Variants in CCDC62 observed in about 807,000 individuals in gnomAD.
The protein encoded by CCDC62 is coiled-coil domain-containing protein 62.
A neutral mutation model predicts 80.8 loss-of-function variants in CCDC62; 72 were observed. The ratio of observed to expected loss-of-function variants is 0.89; its 90% confidence interval spans 0.74 to 1.08. CCDC62 has a LOEUF of 1.08. CCDC62 is among the 50% of genes least tolerant of loss of function. The pLI is 0.00. For synonymous variants in CCDC62, 286 were observed against 296.5 expected, an observed-to-expected ratio of 0.96 and a Z score of 0.36; for missense variants, 704 against 809.4, an observed-to-expected ratio of 0.87 and a Z score of 1.58.
In CCDC62 at chr12:122,801,556, G is replaced by A; in HGVS notation, c.1410G>A (p.Leu470=). The change falls in exon 9 of 13, where the codon CTG becomes CTA. Residue 470 remains leucine, a synonymous_variant. Coordinates refer to ENST00000253079, the MANE Select transcript of CCDC62 (RefSeq NM_201435.5). ...QWHDVSVYLG[L]TNCPSSKHPE... ...ATGATGTCAGTGTTTACCTGGGCCT[G>A]ACCAACTGTCCAAGTTCAAAACATC... 1 of 1,614,118 alleles carries A rather than the reference G, an allele frequency of 6.2e-7. No homozygotes were observed. The highest frequency in any genetic ancestry group is 1.1e-5 in the South Asian group (1 of 91,070).
At chr12:122,792,210 TTTTTTTTTTTTGAGACAGGGTC>T in intron 6 of CCDC62, 89 bp downstream of exon 6, 3 of 796,694 alleles carry the variant, frequency 3.8e-6, no homozygotes, top group Non-Finnish European at 6.2e-6. Flanking sequence ...TGGTTTTTTT[TTTTTTTTTTTTGAGACAGGGTC>T]TTTTTTGAGA....
Position 122,811,125 on chromosome 12 carries a change from A to T in CCDC62, c.1852-2145A>T, listed in dbSNP as rs1042422027. 2.2e-4 allele frequency among the ~76,000 whole-genome samples: 34 copies of T among 152,242 alleles called. 1 individual carries two copies. Among genetic ancestry groups the T allele is most frequent in the African/African-American group, 8.2e-4 (34 of 41,540 alleles). ...CATGGCACATGTATACATATGTAAC[A>T]AACCTGCACGTTATGCACATGTACC... On this transcript the variant is annotated intron_variant, in intron 10 of 12. Coordinates refer to ENST00000253079, the MANE Select transcript of CCDC62 (RefSeq NM_201435.5).
chr12:122,811,129 C>G (rs2031853924), intron 10 of CCDC62, among the ~76,000 whole-genome samples: 1 of 151,656 alleles, frequency 6.6e-6, no homozygotes, highest in Non-Finnish European at 1.5e-5. Context: ...TGTAACAAAC[C>G]TGCACGTTAT....
intron 1 of CCDC62, 21 bp downstream of exon 1, chr12:122,774,727 CGGCGGGG>C: frequency 8.0e-7 from 1 of 1,248,534 alleles, no homozygotes. Context: ...GTTCCGGGCG[CGGCGGGG>C]CGCCGCGGGA....
chr12:122,799,306 ATCCATCCATCCG>A (rs1008069946), intron 8 of CCDC62, among the ~76,000 whole-genome samples: 38 of 152,204 alleles, frequency 2.5e-4, no homozygotes, highest in Admixed American at 1.3e-3. Context: ...TCATCCATCC[ATCCATCCATCCG>A]TCCATCCATC....
intron 5 of CCDC62, 151 bp downstream of exon 5, chr12:122,789,080 G>T: frequency 3.3e-6 from 2 of 601,586 alleles, no homozygotes. Flanking sequence ...ATAGGATTAT[G>T]CTGCAATTTG....
chr12:122,797,254 G>C, intron 6 of CCDC62, 53 bp from the exon 7 acceptor site: 1 of 853,082 alleles, frequency 1.2e-6, no homozygotes, highest in East Asian at 2.5e-5. Flanking sequence ...AAATGGAGAG[G>C]TTTGTGTGGC....
At chr12:122,781,694 A>AG (rs1879880278) in intron 3 of CCDC62, among the ~76,000 whole-genome samples, 1 of 151,974 alleles carries the variant, frequency 6.6e-6, no homozygotes, top group Non-Finnish European at 1.5e-5. Flanking sequence ...TCAAAAAAAA[A>AG]AAGAAAAAAG....
chr12:122,820,206 A>G (rs1335312626), intron 11 of CCDC62, among the ~76,000 whole-genome samples: 1 of 152,184 alleles, frequency 6.6e-6, no homozygotes, highest in Non-Finnish European at 1.5e-5. Flanking sequence ...GGGACTTCTC[A>G]GTTTATACCT....
At chr12:122,820,005 T>C (rs1013192927) in intron 11 of CCDC62, among the ~76,000 whole-genome samples, 16 of 130,030 alleles carry the variant, frequency 1.2e-4, no homozygotes, top group African/African-American at 3.9e-4. Context: ...GAGGCTGCAG[T>C]GAGCTGTGAT....
chr12:122,820,375 G>A (rs79255256), intron 11 of CCDC62, among the ~76,000 whole-genome samples: 2,577 of 152,220 alleles, frequency 0.017, 37 homozygotes, highest in Non-Finnish European at 0.027. Flanking sequence ...GGTGAGGAGC[G>A]GACCCTACCA....
At chr12:122,789,848 A>G (rs1003142140) in intron 5 of CCDC62, among the ~76,000 whole-genome samples, 6 of 152,190 alleles carry the variant, frequency 3.9e-5, no homozygotes, top group Admixed American at 3.3e-4. Context: ...AGCTAAAACC[A>G]TAATCGTATT....
chr12:122,784,999 C>T (rs939515208), intron 3 of CCDC62, among the ~76,000 whole-genome samples: 1 of 151,912 alleles, frequency 6.6e-6, no homozygotes, highest in Non-Finnish European at 1.5e-5. Context: ...ATTAGCCAGG[C>T]GTAGTGTTGT....
At chr12:122,821,708 A>G (rs1408654199) in intron 11 of CCDC62, among the ~76,000 whole-genome samples, 1 of 151,946 alleles carries the variant, frequency 6.6e-6, no homozygotes, top group African/African-American at 2.4e-5. Flanking sequence ...CAGCCTCCCA[A>G]AGTGCTGGGA....
intron 12 of CCDC62, among the ~76,000 whole-genome samples, chr12:122,825,278 C>G (rs1434972384): frequency 2.7e-5 from 4 of 150,554 alleles, no homozygotes; most frequent in Non-Finnish European, 5.9e-5. Flanking sequence ...CAGGTTCAAG[C>G]GATTCTCCTG....
rs191553674 is a variant in CCDC62 at position 122,787,760 on chromosome 12, A to C, written c.499-998A>C. ...GCGAGACTTCATCTGGAAAAAAAAAAAAAAGGCTGTGTTTTCCTAGTCTTA... is the reference window on the plus strand; with the variant it reads ...GCGAGACTTCATCTGGAAAAAAAAACAAAAGGCTGTGTTTTCCTAGTCTTA... On this transcript the variant is annotated intron_variant, in intron 4 of 12. Coordinates refer to ENST00000253079, the MANE Select transcript of CCDC62 (RefSeq NM_201435.5). Among the ~76,000 whole-genome samples the C allele has an allele frequency of 2.0e-5, 3 of 152,198 alleles. No individual in the cohort carries two copies. In the East Asian group the frequency reaches 5.8e-4, roughly 29 times the overall value.
rs766531894 is a variant in CCDC62 at position 122,813,375 on chromosome 12, CT to C, written c.1958del (p.Leu653ArgfsTer44). On this transcript the variant is annotated frameshift_variant, in exon 11 of 13. Transcript: ENST00000253079. LOFTEE classifies it high-confidence loss of function. ...GGTGACGGACCTGGAGCTGAGCACA[CT>C]GCTGCCCATCAGCCATGAGAATCTC... ...QMVTDLELSTLLPISHENLTG... is the reference protein window; with the variant it reads ...QMVTDLELSTXLPISHENLTG... 9.3e-6 allele frequency: 15 copies of C among 1,613,708 alleles called. No homozygotes were observed. In the East Asian group the frequency reaches 3.1e-4, roughly 34 times the overall value.
intron 6 of CCDC62, among the ~76,000 whole-genome samples, chr12:122,793,024 G>T (rs1011656294): frequency 6.6e-6 from 1 of 152,020 alleles, no homozygotes; most frequent in Non-Finnish European, 1.5e-5. Context: ...TAAACCCCTC[G>T]CAAGTCAAAA....
At chr12:122,779,701 G>A (rs1050851132) in intron 2 of CCDC62, among the ~76,000 whole-genome samples, 2 of 151,724 alleles carry the variant, frequency 1.3e-5, no homozygotes, top group South Asian at 4.2e-4. Flanking sequence ...TGAGGTCAAG[G>A]GTTCGAGGCC....
Sources: gnomAD v4.1 joint callset for allele counts (sites outside exome capture counted in the v4.1 genomes callset) on GRCh38, gnomAD v4.1.1 for gene constraint, MANE v1.5 for transcripts, NCBI Gene and HGNC (gene_info 2026-07-23, HGNC 2026-07-21) for gene names.